The following PRKAB1 variants were observed in gnomAD, a reference collection of about 807,000 sequenced individuals.
PRKAB1 encodes the protein protein kinase AMP-activated non-catalytic subunit beta 1.
In PRKAB1, 18 loss-of-function variants were observed where a neutral mutation model predicts 32.0. The observed-to-expected ratio is 0.56, with a 90% CI of 0.39 to 0.83. PRKAB1 has a LOEUF of 0.83. PRKAB1 is among the 40% of genes least tolerant of loss of function. The pLI is 0.00. For missense variants in PRKAB1, 263 were observed against 352.6 expected (o/e 0.75, Z 2.03); for synonymous variants, 141 against 141.4 (o/e 1.00, Z 0.02).
chr12:119,671,599 G>A lies in PRKAB1; in HGVS notation c.160-702G>A, dbSNP rs560217368. 10 of 295,222 alleles carry A rather than the reference G, an allele frequency of 3.4e-5. No homozygotes were observed. In the Middle Eastern group the frequency reaches 1.7e-3, roughly 50 times the overall value. The allele number at this position is 295,222 out of a possible 1,614,324, so 18.3% of individuals were successfully genotyped here. A position where few individuals can be genotyped will look rare whatever the true frequency, so the allele number is the denominator to read the frequency against. On this transcript the variant is annotated intron_variant, in intron 1 of 6. Coordinates refer to ENST00000229328, the MANE Select transcript of PRKAB1 (RefSeq NM_006253.5). ...TGTCAGAGAACAGCATGGGGAAACCGCCCCCATGATCGATACCTCCACCTG... is the reference window on the plus strand; with the variant it reads ...TGTCAGAGAACAGCATGGGGAAACCACCCCCATGATCGATACCTCCACCTG...
rs754334279 is a variant in PRKAB1, at chr12:119,668,355, G to C, written c.111G>C (p.Leu37=). ...AGGACGGGGACAGGCCCAAGATCCTGATGGACAGCCCCGAAGACGCCGACC... is the reference window on the plus strand; with the variant it reads ...AGGACGGGGACAGGCCCAAGATCCTCATGGACAGCCCCGAAGACGCCGACC... The part of the protein sequence containing the change: ...GTKDGDRPKI[L]MDSPEDADLF... The change falls in exon 1 of 7, where the codon CTG becomes CTC. Residue 37 remains leucine (L), a synonymous_variant. Coordinates refer to ENST00000229328, the MANE Select transcript of PRKAB1 (RefSeq NM_006253.5). 1.2e-6 allele frequency: 2 copies of C among 1,613,422 alleles called. No homozygotes were observed. Among genetic ancestry groups the C allele is most frequent in the African/African-American group, 1.3e-5 (1 of 74,932 alleles).
rs1403072465 is a variant in PRKAB1 at position 119,680,547 on chromosome 12, C to T, written c.*222C>T. On this transcript the variant is annotated 3_prime_UTR_variant, in exon 7 of 7. Coordinates refer to ENST00000229328, the MANE Select transcript of PRKAB1 (RefSeq NM_006253.5). ...CTAGCACCCCCATGGCTTTGAGCCT[C>T]GGGGACTCATCAAGTCCAAGAAAAG... 9 of 565,054 alleles carry T rather than the reference C, an allele frequency of 1.6e-5. No individual in the cohort carries two copies. Among genetic ancestry groups the T allele is most frequent in the Non-Finnish European group, 2.5e-5 (8 of 318,444 alleles). The allele number at this position is 565,054 out of a possible 1,614,324, so 35.0% of individuals were successfully genotyped here. A position where few individuals can be genotyped will look rare whatever the true frequency, so the allele number is the denominator to read the frequency against.
At chr12:119,677,809 G>A (rs1205325563) in intron 5 of PRKAB1, 1 of 130,052 alleles carries the variant, frequency 7.7e-6, no homozygotes, top group Non-Finnish European at 1.5e-5. Flanking sequence ...CTGTTGCCCA[G>A]GCTGGAGTGC....
Position 119,676,403 on chromosome 12 carries a change from T to C in PRKAB1, c.533-134T>C. 3 of 1,152,578 alleles carry C rather than the reference T, an allele frequency of 2.6e-6. No individual in the cohort carries two copies. In the East Asian group the frequency reaches 7.3e-5, roughly 28 times the overall value. 71.4% of individuals were successfully genotyped at this position (1,152,578 alleles called of 1,614,324 possible). ...CTCTATTCTGCACTCTTGGAACCAG[T>C]GCATCCTTCAAGAGAATGTAAATCT... On this transcript the variant is annotated intron_variant, in intron 4 of 6. Transcript: ENST00000229328.
chr12:119,673,921 C>T (rs779535233), intron 2 of PRKAB1, 43 bp from the exon 3 acceptor site: 4 of 1,542,122 alleles, frequency 2.6e-6, no homozygotes, highest in South Asian at 2.4e-5. Context: ...GCTCGGGGGG[C>T]AGCCCACCCC....
rs957011031 is a variant in PRKAB1 at position 119,681,199 on chromosome 12, C to G, written c.*874C>G. Reference sequence around the variant, plus strand: ...AACTTGAGAGGCACTCTGCCCTCTTCCCTATAAAATCACACAGCGTGATTT... The same window carrying G: ...AACTTGAGAGGCACTCTGCCCTCTTGCCTATAAAATCACACAGCGTGATTT... On this transcript the variant is annotated 3_prime_UTR_variant, in exon 7 of 7. Coordinates refer to ENST00000229328, the MANE Select transcript of PRKAB1 (RefSeq NM_006253.5). The G allele has an allele frequency of 2.0e-5, 3 of 152,258 alleles. No homozygotes were observed. Among genetic ancestry groups the G allele is most frequent in the Non-Finnish European group, 4.4e-5 (3 of 68,052 alleles). The allele number at this position is 152,258 out of a possible 1,614,324, so 9.4% of individuals were successfully genotyped here. A position where few individuals can be genotyped will look rare whatever the true frequency, so the allele number is the denominator to read the frequency against.
In PRKAB1 at chr12:119,672,352, G is replaced by A. The variant is rs1427338706; in HGVS notation, c.211G>A (p.Asp71Asn). ...LAWQHDLEVNDKAPAQARPTV... is the reference protein window; with the variant it reads ...LAWQHDLEVNNKAPAQARPTV... Reference sequence around the variant, plus strand: ...CTGGCAGCATGATCTGGAAGTGAATGATAAAGCTCCCGCCCAGGCTCGGCC... The same window carrying A: ...CTGGCAGCATGATCTGGAAGTGAATAATAAAGCTCCCGCCCAGGCTCGGCC... The change falls in exon 2 of 7, where the codon GAT (aspartate) becomes AAT (asparagine). Residue 71 changes from aspartate (D) to asparagine (N), a missense_variant. By Grantham distance (23) the Asp-to-Asn change is conservative. Coordinates refer to ENST00000229328, the MANE Select transcript of PRKAB1 (RefSeq NM_006253.5). 1 of 1,613,090 alleles carries A rather than the reference G, an allele frequency of 6.2e-7. No individual in the cohort carries two copies. The highest frequency in any genetic ancestry group is 1.3e-5 in the African/African-American group (1 of 75,032).
intron 5 of PRKAB1, chr12:119,678,791 C>G (rs903794106): frequency 6.6e-6 from 1 of 152,236 alleles, no homozygotes; most frequent in Non-Finnish European, 1.5e-5. Context: ...CACGTCTTGG[C>G]TATTATGAAT....
intron 1 of PRKAB1, chr12:119,669,545 A>C (rs1955370245): frequency 6.6e-6 from 1 of 150,690 alleles, no homozygotes; most frequent in South Asian, 2.1e-4. Context: ...CTGGGATTAC[A>C]GGCGTGAGCC....
intron 1 of PRKAB1, among the ~76,000 whole-genome samples, chr12:119,669,040 C>A (rs530769209): frequency 6.6e-6 from 1 of 151,656 alleles, no homozygotes; most frequent in Non-Finnish European, 1.5e-5. Context: ...TGGCGTGAAC[C>A]CGGGAGGCGC....
At position 119,679,694 on chromosome 12, in the gene PRKAB1, G is replaced by T; in HGVS notation, c.667-239G>T. ...ACACTTGAAAGAGGCCGGGGTAAAT[G>T]CCTGGCCAGAGACACACACCGATGC... On this transcript the variant is annotated intron_variant, in intron 5 of 6. Transcript: ENST00000229328. The surrounding 1 kb of genome is among the most constrained non-coding windows in gnomAD (Gnocchi z 4.1). The T allele has an allele frequency of 1.9e-6, 1 of 522,286 alleles. No individual in the cohort carries two copies. Among genetic ancestry groups the T allele is most frequent in the Non-Finnish European group, 3.5e-6 (1 of 286,922 alleles). The allele number at this position is 522,286 out of a possible 1,614,324, so 32.4% of individuals were successfully genotyped here.
chr12:119,668,036 G>C, upstream of PRKAB1: 2 of 566,664 alleles, frequency 3.5e-6, no homozygotes, highest in South Asian at 2.8e-5. Context: ...GCCGCGGCTT[G>C]CCTGGGCAGG....
chr12:119,681,378 T>G lies in PRKAB1; in HGVS notation c.*1053T>G, dbSNP rs4213. On this transcript the variant is annotated 3_prime_UTR_variant, in exon 7 of 7. Transcript: ENST00000229328. ...GTCCTTTGGACCAAAGCAGACTTCTTTATACGCAGCTCAGTTTCCCGGGAG... is the reference window on the plus strand; with the variant it reads ...GTCCTTTGGACCAAAGCAGACTTCTGTATACGCAGCTCAGTTTCCCGGGAG... The G allele has an allele frequency of 0.33, 49,449 of 152,076 alleles. 8,624 individuals are homozygous for G. The highest frequency in any genetic ancestry group is 0.42 in the African/African-American group (17,571 of 41,444). The allele number at this position is 152,076 out of a possible 1,614,324, so 9.4% of individuals were successfully genotyped here. A position where few individuals can be genotyped will look rare whatever the true frequency, so the allele number is the denominator to read the frequency against.
In PRKAB1 at chr12:119,674,079, G is replaced by C. The variant is rs372075157; in HGVS notation, c.417+22G>C. 5.0e-6 allele frequency: 8 copies of C among 1,598,910 alleles called. No individual in the cohort carries two copies. In the African/African-American group the frequency reaches 1.1e-4, roughly 21 times the overall value. ...CGAGGTACTCTTCCTCCCACCTCTG[G>C]TCCTCTGGGTGCCCGCACATTCCAA... On this transcript the variant is annotated intron_variant, in intron 3 of 6. Coordinates refer to ENST00000229328, the MANE Select transcript of PRKAB1 (RefSeq NM_006253.5). This position sits in a 1 kb window ranked among gnomAD's most constrained non-coding sequence, Gnocchi z 4.3.
chr12:119,677,151 G>C (rs1292998687), intron 5 of PRKAB1, among the ~76,000 whole-genome samples: 1 of 152,222 alleles, frequency 6.6e-6, no homozygotes, highest in Non-Finnish European at 1.5e-5. Context: ...AGAACAGCCA[G>C]TTCTGTTGTG....
At chr12:119,671,485 C>T (rs780377399) in intron 1 of PRKAB1, 69 of 373,300 alleles carry the variant, frequency 1.8e-4, no homozygotes, top group South Asian at 1.4e-3. Context: ...TAAAAGGCAC[C>T]TCTTCACAGG....
rs2136861816 is a variant in PRKAB1, at chr12:119,680,129, C to G, written c.736-119C>G. On this transcript the variant is annotated intron_variant, in intron 6 of 6. Transcript: ENST00000229328. ...CCAGGGTCTGGCACAGGCCATCAGGCTCAGGTTCTGAAGCTGGCCCGGGAA... is the reference window on the plus strand; with the variant it reads ...CCAGGGTCTGGCACAGGCCATCAGGGTCAGGTTCTGAAGCTGGCCCGGGAA... The G allele has an allele frequency of 1.1e-5, 17 of 1,479,690 alleles. No individual in the cohort carries two copies. In the South Asian group the frequency reaches 1.4e-4, roughly 12 times the overall value. 91.7% of individuals were successfully genotyped at this position (1,479,690 alleles called of 1,614,324 possible).
intron 5 of PRKAB1, chr12:119,678,867 A>T (rs892174995): frequency 3.3e-5 from 5 of 152,146 alleles, no homozygotes; most frequent in Non-Finnish European, 2.9e-5. Context: ...TGGAGTATCT[A>T]CCCTGTAGTG....
intron 5 of PRKAB1, 146 bp downstream of exon 5, chr12:119,676,816 G>T (rs1955429643): frequency 7.7e-6 from 9 of 1,162,878 alleles, no homozygotes; most frequent in African/African-American, 1.6e-5. Context: ...TCTGCTGTGG[G>T]GATGGGCTGA....
Sources: allele counts gnomAD v4.1 joint callset (sites outside exome capture counted in the v4.1 genomes callset), GRCh38; gene constraint gnomAD v4.1.1; non-coding constraint Gnocchi (gnomAD v3.1); transcripts MANE v1.5; gene names NCBI Gene and HGNC (gene_info 2026-07-23, HGNC 2026-07-21).